The following NEGR1 variants were observed in gnomAD, a reference collection of about 807,000 sequenced individuals.
The protein encoded by NEGR1 is IgLON family member 4.
A neutral mutation model predicts 40.9 loss-of-function variants in NEGR1; 10 were observed. That is an observed-to-expected ratio of 0.24 (90% CI 0.15 to 0.42). The LOEUF (loss-of-function observed/expected upper bound fraction) is 0.42. Ranked by LOEUF, NEGR1 falls within the 10% of genes least tolerant of loss-of-function variation. NEGR1 has a pLI of 1.00. For synonymous variants in NEGR1, 185 were observed against 166.8 expected, an observed-to-expected ratio of 1.11 and a Z score of -0.84; for missense variants, 352 against 438.9, an observed-to-expected ratio of 0.80 and a Z score of 1.77.
chr1:71,789,572 A>T (rs1055840118), intron 2 of NEGR1, among the ~76,000 whole-genome samples: 5 of 152,136 alleles, frequency 3.3e-5, no homozygotes, highest in African/African-American at 1.2e-4. Context: ...GAACACTAAC[A>T]TGCTTTAGCT....
intron 1 of NEGR1, among the ~76,000 whole-genome samples, chr1:71,956,858 T>C (rs548798855): frequency 1.1e-4 from 16 of 152,264 alleles, no homozygotes; most frequent in Non-Finnish European, 2.2e-4. Context: ...CCAGACATAG[T>C]GTCTGTAGAC....
At chr1:71,771,758 C>T (rs1298370459) in intron 3 of NEGR1, among the ~76,000 whole-genome samples, 1 of 54,112 alleles carries the variant, frequency 1.8e-5, no homozygotes, top group South Asian at 7.3e-4. Context: ...TAAAAATAAA[C>T]AAACAAATAA....
intron 2 of NEGR1, among the ~76,000 whole-genome samples, chr1:71,879,782 T>A (rs1027915083): frequency 2.6e-5 from 4 of 152,162 alleles, no homozygotes; most frequent in African/African-American, 9.6e-5. Context: ...TTCCTCTATG[T>A]TCAGATGGAA....
intron 4 of NEGR1, among the ~76,000 whole-genome samples, chr1:71,633,411 TA>T (rs1651041231): frequency 6.6e-6 from 1 of 152,126 alleles, no homozygotes; most frequent in Non-Finnish European, 1.5e-5. Flanking sequence ...TTCTGTGGCC[TA>T]AATTTGCATC....
At chr1:71,494,062 T>G (rs1646946572) in intron 6 of NEGR1, among the ~76,000 whole-genome samples, 1 of 152,192 alleles carries the variant, frequency 6.6e-6, no homozygotes, top group Non-Finnish European at 1.5e-5. Flanking sequence ...TTTCACCTCA[T>G]CAAAGAGAGG....
chr1:71,869,883 C>CTTT (rs140029802), intron 2 of NEGR1, among the ~76,000 whole-genome samples: 1 of 136,068 alleles, frequency 7.3e-6, no homozygotes, highest in Non-Finnish European at 1.6e-5. Flanking sequence ...TTCTTTCTTT[C>CTTT]TTTTTTTTTT....
At position 71,735,575 on chromosome 1, in the gene NEGR1, GA is replaced by G. The variant is rs1272411669; in HGVS notation, c.536-37437del. Among the ~76,000 whole-genome samples the G allele has an allele frequency of 2.6e-5, 4 of 151,562 alleles. 1 individual carries two copies. Among genetic ancestry groups the G allele is most frequent in the South Asian group, 4.2e-4 (2 of 4,814 alleles). ...ATAGTACAATTACAGACACTGGATT[GA>G]AAAAAATAAGCAAGATTCTAGTAGC... On this transcript the variant is annotated intron_variant, in intron 3 of 6. Transcript: ENST00000357731.
At chr1:72,097,345 C>T (rs995248838) in intron 1 of NEGR1, among the ~76,000 whole-genome samples, 1 of 152,092 alleles carries the variant, frequency 6.6e-6, no homozygotes. Flanking sequence ...CTGATACACA[C>T]ATAAAGTATT....
intron 6 of NEGR1, among the ~76,000 whole-genome samples, chr1:71,581,477 A>G (rs186558521): frequency 1.3e-5 from 2 of 152,274 alleles, no homozygotes; most frequent in East Asian, 3.9e-4. Context: ...CCACAAAAAT[A>G]TCATGTCTTA....
chr1:71,498,774 T>C (rs1646981478), intron 6 of NEGR1, among the ~76,000 whole-genome samples: 1 of 152,200 alleles, frequency 6.6e-6, no homozygotes, highest in Admixed American at 6.5e-5. Context: ...ATGTGCATAC[T>C]CATGACCACT....
chr1:71,523,245 T>A (rs1473629120), intron 6 of NEGR1, among the ~76,000 whole-genome samples: 1 of 151,164 alleles, frequency 6.6e-6, no homozygotes, highest in Non-Finnish European at 1.5e-5. Context: ...GTTGTGAGGA[T>A]GTTGGGTTGT....
intron 1 of NEGR1, among the ~76,000 whole-genome samples, chr1:72,265,401 T>A (rs1170555675): frequency 2.0e-5 from 3 of 150,970 alleles, no homozygotes; most frequent in African/African-American, 7.3e-5. Context: ...ACATTTTTTC[T>A]CCAAGAAAAA....
At chr1:71,777,392 A>G (rs1656550226) in intron 2 of NEGR1, among the ~76,000 whole-genome samples, 1 of 152,108 alleles carries the variant, frequency 6.6e-6, no homozygotes, top group Admixed American at 6.5e-5. Flanking sequence ...AAACACATAT[A>G]TGGTGTTTGA....
chr1:72,042,381 G>T (rs1646964161), intron 1 of NEGR1, among the ~76,000 whole-genome samples: 1 of 151,686 alleles, frequency 6.6e-6, no homozygotes, highest in Admixed American at 6.6e-5. Context: ...ATAGGATGAG[G>T]GAAAGTCAGA....
chr1:72,070,200 T>C (rs1360013366), intron 1 of NEGR1, among the ~76,000 whole-genome samples: 1 of 152,088 alleles, frequency 6.6e-6, no homozygotes, highest in East Asian at 1.9e-4. Flanking sequence ...CTTTTAAATA[T>C]AATCTACAAA....
chr1:72,215,879 A>G (rs1653787627), intron 1 of NEGR1, among the ~76,000 whole-genome samples: 1 of 152,080 alleles, frequency 6.6e-6, no homozygotes, highest in South Asian at 2.1e-4. Flanking sequence ...TAAGTATTAT[A>G]AATCATTGTA....
intron 1 of NEGR1, among the ~76,000 whole-genome samples, chr1:71,950,778 C>A (rs753806275): frequency 6.6e-6 from 1 of 151,912 alleles, no homozygotes; most frequent in Admixed American, 6.6e-5. Flanking sequence ...ATACTAAACA[C>A]AGAGGTCTAT....
intron 3 of NEGR1, among the ~76,000 whole-genome samples, chr1:71,728,017 C>T (rs1358325291): frequency 6.6e-6 from 1 of 152,104 alleles, no homozygotes; most frequent in Non-Finnish European, 1.5e-5. Flanking sequence ...AAGTCATAAG[C>T]CTGGACCATT....
intron 2 of NEGR1, chr1:71,837,019 T>C (rs1391830548): frequency 1.3e-5 from 2 of 152,076 alleles, no homozygotes; most frequent in African/African-American, 2.4e-5. Context: ...GCCAGACTCT[T>C]CCTTGTATTA....
Sources: gnomAD v4.1 joint callset for allele counts (sites outside exome capture counted in the v4.1 genomes callset) on GRCh38, gnomAD v4.1.1 for gene constraint, MANE v1.5 for transcripts, NCBI Gene and HGNC (gene_info 2026-07-23, HGNC 2026-07-21) for gene names.